Variants in SEC16A observed in about 807,000 individuals in gnomAD.
The protein encoded by SEC16A is SEC16 homolog A, endoplasmic reticulum export factor.
A neutral mutation model predicts 221.9 loss-of-function variants in SEC16A; 110 were observed. The observed-to-expected ratio is 0.50, with a 90% CI of 0.42 to 0.58. The LOEUF is 0.58. Ranked by LOEUF, SEC16A falls within the 20% of genes least tolerant of loss-of-function variation. The pLI, the probability that SEC16A is intolerant of heterozygous loss-of-function variation, is 0.00. For synonymous variants in SEC16A, 1,393 were observed against 1,257.7 expected, an observed-to-expected ratio of 1.11 and a Z score of -2.28; for missense variants, 3,165 against 3,097.8, an observed-to-expected ratio of 1.02 and a Z score of -0.52.
In SEC16A at chr9:136,447,233, T is replaced by C. The variant is rs1588875718; in HGVS notation, c.6691A>G (p.Thr2231Ala). ...TGGTGCTCGTGCTACCTACCTGGGGTTGGCACGAACAAGTTAGAAGGAATT... is the reference window on the plus strand; with the variant it reads ...TGGTGCTCGTGCTACCTACCTGGGGCTGGCACGAACAAGTTAGAAGGAATT... The part of the protein sequence containing the change: ...LPIPSNLFVP[T>A]PDAEEPQLPD... The change falls in exon 27 of 32, where the codon ACC becomes GCC. Residue 2231 changes from threonine (T) to alanine (A), a missense_variant. By Grantham distance (58) the Thr-to-Ala change is moderately conservative. Coordinates refer to ENST00000684901, the MANE Select transcript of SEC16A (RefSeq NM_014866.2). This position sits in a 1 kb window ranked among gnomAD's most constrained non-coding sequence, Gnocchi z 5.5. 1 of 1,593,100 alleles carries C rather than the reference T, an allele frequency of 6.3e-7. No individual in the cohort carries two copies. Among genetic ancestry groups the C allele is most frequent in the Non-Finnish European group, 8.5e-7 (1 of 1,170,982 alleles).
Position 136,447,346 on chromosome 9 carries a change from T to A in SEC16A, c.6578A>T (p.Tyr2193Phe), listed in dbSNP as rs1170587442. The change falls in exon 27 of 32, where the codon TAC (tyrosine) becomes TTC (phenylalanine). Residue 2193 changes from tyrosine to phenylalanine, a missense_variant. Tyr to Phe is a conservative substitution (Grantham distance 22). Transcript: ENST00000684901. This position sits in a 1 kb window ranked among gnomAD's most constrained non-coding sequence, Gnocchi z 5.5. ...SRRAAGTRARYVDVLNPSGTQ... is the reference protein window; with the variant it reads ...SRRAAGTRARFVDVLNPSGTQ... ...CCCGCTTGGGTTCAGGACGTCAACG[T>A]AGCGAGCTCTGGTTCCTGCTGCAAA... 1 of 1,598,234 alleles carries A rather than the reference T, an allele frequency of 6.3e-7. No individual in the cohort carries two copies. The highest frequency in any genetic ancestry group is 8.5e-7 in the Non-Finnish European group (1 of 1,173,196).
chr9:136,470,855 T>C (rs76397860), intron 4 of SEC16A, among the ~76,000 whole-genome samples: 121 of 152,296 alleles, frequency 7.9e-4, no homozygotes, highest in African/African-American at 2.8e-3. Context: ...AGAAGCAATA[T>C]CCCCTTGCAG....
rs960577657 is a variant in SEC16A, at chr9:136,475,906, G to C, written c.1710C>G (p.Pro570=). 6.2e-7 allele frequency: 1 copy of C among 1,611,312 alleles called. No homozygotes were observed. The highest frequency in any genetic ancestry group is 1.3e-5 in the African/African-American group (1 of 74,978). The change falls in exon 3 of 32, where the codon CCC becomes CCG. Residue 570 remains proline, a synonymous_variant. Coordinates refer to ENST00000684901, the MANE Select transcript of SEC16A (RefSeq NM_014866.2). This position sits in a 1 kb window ranked among gnomAD's most constrained non-coding sequence, Gnocchi z 5.0. ...GSFFKQIDSS[P]VGGETDETTV... is the part of the protein sequence containing the mutation. ...TGGTCTCGTCTGTTTCACCTCCTAC[G>C]GGAGAAGAATCGATTTGCTTAAAAA...
At chr9:136,469,087 C>T (rs11999609) in intron 4 of SEC16A, among the ~76,000 whole-genome samples, 32,034 of 152,004 alleles carry the variant, frequency 0.21, 3,678 homozygotes, top group Non-Finnish European at 0.27. Context: ...TGGGGTCAAG[C>T]GATCCACCCA....
chr9:136,445,879 C>T (rs2131805094), intron 28 of SEC16A, among the ~76,000 whole-genome samples, 160 bp from the exon 29 acceptor site: 1 of 152,328 alleles, frequency 6.6e-6, no homozygotes, highest in African/African-American at 2.4e-5. Context: ...ACACGTGGGT[C>T]CAGCCGCACA....
intron 4 of SEC16A, among the ~76,000 whole-genome samples, chr9:136,471,346 T>C (rs1039196195): frequency 1.1e-4 from 16 of 151,942 alleles, no homozygotes; most frequent in African/African-American, 3.6e-4. Flanking sequence ...TGATGGGGCA[T>C]GTCTGTAGTC....
At position 136,474,678 on chromosome 9, in the gene SEC16A, T is replaced by C; in HGVS notation, c.2938A>G (p.Lys980Glu). The C allele has an allele frequency of 6.2e-7, 1 of 1,613,752 alleles. No individual in the cohort carries two copies. Among genetic ancestry groups the C allele is most frequent in the Non-Finnish European group, 8.5e-7 (1 of 1,179,886 alleles). The change falls in exon 3 of 32, where the codon AAG (lysine) becomes GAG (glutamate). Residue 980 changes from lysine (K) to glutamate (E), a missense_variant. Physicochemically the swap from Lys to Glu is moderately conservative, Grantham distance 56 (BLOSUM62 1). Transcript: ENST00000684901. ...TCCTGATGACTGGAATGGTTTGCCTTATTACCATCAGGCACCAGGGTGCCG... is the reference window on the plus strand; with the variant it reads ...TCCTGATGACTGGAATGGTTTGCCTCATTACCATCAGGCACCAGGGTGCCG... ...AHGTLVPDGN[K>E]ANHSSHQEDT...
intron 22 of SEC16A, among the ~76,000 whole-genome samples, 165 bp downstream of exon 22, chr9:136,453,263 T>G (rs1255147096): frequency 6.6e-6 from 1 of 152,198 alleles, no homozygotes; most frequent in African/African-American, 2.4e-5. Context: ...ACTCTTCATA[T>G]TTTAAGGATG....
chr9:136,469,096 C>T (rs1158441198), intron 4 of SEC16A, among the ~76,000 whole-genome samples: 1 of 152,150 alleles, frequency 6.6e-6, no homozygotes, highest in African/African-American at 2.4e-5. Flanking sequence ...GCGATCCACC[C>T]ACCTCAGCCT....
Position 136,441,735 on chromosome 9 carries a change from A to C in SEC16A, c.*20T>G. On this transcript the variant is annotated 3_prime_UTR_variant, in exon 32 of 32. Transcript: ENST00000684901. ...ACAGCAGCGTCAGGGCTCCAAGTGC[A>C]AGTTCACAGCAGGGCAAGCCTAGTT... The C allele has an allele frequency of 6.2e-7, 1 of 1,611,980 alleles. No homozygotes were observed. The highest frequency in any genetic ancestry group is 8.5e-7 in the Non-Finnish European group (1 of 1,178,604).
Position 136,448,065 on chromosome 9 carries a change from C to G in SEC16A, c.6390+19G>C. On this transcript the variant is annotated intron_variant, in intron 24 of 31. Coordinates refer to ENST00000684901, the MANE Select transcript of SEC16A (RefSeq NM_014866.2). ...ATTACAATTCTTCGGACGTCCCGTG[C>G]GTATTTGACAGCACTCACCGATTTG... 6.2e-7 allele frequency: 1 copy of G among 1,601,158 alleles called. No homozygotes were observed. The highest frequency in any genetic ancestry group is 8.5e-7 in the Non-Finnish European group (1 of 1,170,450).
chr9:136,448,440 G>C (rs774573881), intron 23 of SEC16A: 2 of 709,846 alleles, frequency 2.8e-6, no homozygotes, highest in African/African-American at 3.7e-5. Flanking sequence ...AGAGACACCA[G>C]GAGGATGGAG....
intron 2 of SEC16A, 66 bp from the exon 3 acceptor site, chr9:136,477,750 A>C (rs1841835929): frequency 1.4e-6 from 2 of 1,380,768 alleles, no homozygotes; most frequent in East Asian, 5.0e-5. Flanking sequence ...GCAATCAGGA[A>C]AACTAAGGAA....
Position 136,477,036 on chromosome 9 carries a change from C to T in SEC16A, c.580G>A (p.Gly194Ser), listed in dbSNP as rs769986943. Residue 194 changes from glycine (G) to serine (S), a missense_variant, in exon 3 of 32, where the codon GGT becomes AGT. Transcript: ENST00000684901. ...GGGGATGCTGCTGGGGTGACCACAC[C>T]GTCATGTGGGTTTTGCCTGCTCAGG... ...RPLSRQNPHD[G>S]VVTPAASPSL... 12 of 1,613,558 alleles carry T rather than the reference C, an allele frequency of 7.4e-6. No individual in the cohort carries two copies. In the Admixed American group the frequency reaches 1.0e-4, roughly 13 times the overall value.
intron 30 of SEC16A, among the ~76,000 whole-genome samples, chr9:136,444,273 T>C (rs1480441314): frequency 6.6e-6 from 1 of 152,176 alleles, no homozygotes; most frequent in South Asian, 2.1e-4. Context: ...GCTGCAAGCC[T>C]TTCTGCTGAG....
At position 136,474,981 on chromosome 9, in the gene SEC16A, A is replaced by C; in HGVS notation, c.2635T>G (p.Ser879Ala). ...AVSSWALGGD[S>A]GENTSLSGIP... is the part of the protein sequence containing the mutation. ...CCAGACAAAGAAGTGTTCTCCCCAGAATCACCACCGAGAGCCCAACTGCTG... is the reference window on the plus strand; with the variant it reads ...CCAGACAAAGAAGTGTTCTCCCCAGCATCACCACCGAGAGCCCAACTGCTG... The change falls in exon 3 of 32, where the codon TCT becomes GCT. Residue 879 changes from serine to alanine, a missense_variant. Transcript: ENST00000684901. 1 of 1,604,118 alleles carries C rather than the reference A, an allele frequency of 6.2e-7. No individual in the cohort carries two copies. The highest frequency in any genetic ancestry group is 8.5e-7 in the Non-Finnish European group (1 of 1,175,594).
rs532287195 is a variant in SEC16A, at chr9:136,455,767, A to C, written c.5691T>G (p.Asp1897Glu). ...IKEGAGVWHQ[D>E]GALPQQCPGT... ...CAGGACACTGCTGCGGGAGGGCTCC[A>C]TCCTGATGCCATACTCCAGCCCCCT... Residue 1897 changes from aspartate (D) to glutamate (E), a missense_variant, in exon 20 of 32, where the codon GAT becomes GAG. Asp to Glu is a conservative substitution (Grantham distance 45, BLOSUM62 2). This residue lies in a region of SEC16A where 1,088 missense variants were observed against 1,089.6 expected (regional missense o/e 1.00). Coordinates refer to ENST00000684901, the MANE Select transcript of SEC16A (RefSeq NM_014866.2). The C allele has an allele frequency of 1.2e-6, 2 of 1,601,106 alleles. No homozygotes were observed. Among genetic ancestry groups the C allele is most frequent in the African/African-American group, 2.7e-5 (2 of 74,678 alleles).
chr9:136,454,258 G>C lies in SEC16A; in HGVS notation c.5927C>G (p.Pro1976Arg), dbSNP rs529389335. The C allele has an allele frequency of 3.2e-6, 5 of 1,581,536 alleles. No individual in the cohort carries two copies. In the Admixed American group the frequency reaches 7.3e-5, roughly 23 times the overall value. The change falls in exon 21 of 32, where the codon CCC (proline) becomes CGC (arginine). Residue 1976 changes from proline (P) to arginine (R), a missense_variant. This residue lies in a region of SEC16A where 1,088 missense variants were observed against 1,089.6 expected (regional missense o/e 1.00). Coordinates refer to ENST00000684901, the MANE Select transcript of SEC16A (RefSeq NM_014866.2). The part of the protein sequence containing the change: ...ARVPMFPVPL[P>R]PGPLEPGPGC... Reference sequence around the variant, plus strand: ...AGGACCCGGCTCCAGGGGCCCCGGGGGCAGTGGCACTGGGAACATCGGCAC... The same window carrying C: ...AGGACCCGGCTCCAGGGGCCCCGGGCGCAGTGGCACTGGGAACATCGGCAC...
intron 8 of SEC16A, among the ~76,000 whole-genome samples, chr9:136,465,001 G>A (rs1387320346): frequency 6.6e-6 from 1 of 152,154 alleles, no homozygotes; most frequent in African/African-American, 2.4e-5. Context: ...GTGCATGCCT[G>A]TAATCCCAGC....
Sources: gnomAD v4.1 joint callset for allele counts (sites outside exome capture counted in the v4.1 genomes callset) on GRCh38, gnomAD v4.1.1 for gene constraint, gnomAD v4.1.1 regional missense constraint, Gnocchi (gnomAD v3.1) non-coding constraint, MANE v1.5 for transcripts, NCBI Gene and HGNC (gene_info 2026-07-23, HGNC 2026-07-21) for gene names.